The following PLCH1 variants were observed in gnomAD, a reference collection of about 807,000 sequenced individuals.
PLCH1 encodes 1-phosphatidylinositol 4,5-bisphosphate phosphodiesterase eta-1.
A neutral mutation model predicts 126.7 loss-of-function variants in PLCH1; 60 were observed. The observed-to-expected ratio is 0.47, with a 90% confidence interval of 0.38 to 0.59. The LOEUF (loss-of-function observed/expected upper bound fraction) is 0.59, where lower values mean the gene tolerates loss of function less well. PLCH1 is among the 20% of genes least tolerant of loss of function. The pLI is 0.00. For missense variants in PLCH1, 1,723 were observed against 2,040.0 expected (o/e 0.84, Z 2.99); for synonymous variants, 719 against 734.9 (o/e 0.98, Z 0.35).
rs183591076 is a variant in PLCH1, at chr3:155,649,943, A to C, written c.80-53565T>G. On this transcript the variant is annotated intron_variant, in intron 2 of 22. Transcript: ENST00000460012. ...CAGTGAGCCGAGATAGCGCCACTGC[A>C]CTCCAGCCTGGGCGACAGAGTGAGA... 5.6e-3 allele frequency among the ~76,000 whole-genome samples: 855 copies of C among 152,102 alleles called. 11 individuals are homozygous for C. The highest frequency in any genetic ancestry group is 0.019 in the African/African-American group (808 of 41,484).
intron 2 of PLCH1, among the ~76,000 whole-genome samples, chr3:155,652,278 T>C (rs372076945): frequency 6.6e-5 from 10 of 152,216 alleles, no homozygotes; most frequent in African/African-American, 2.4e-4. Flanking sequence ...TCTGATCATT[T>C]TGTAGCTTGC....
chr3:155,553,378 A>C (rs372883532), intron 9 of PLCH1, among the ~76,000 whole-genome samples: 113 of 152,108 alleles, frequency 7.4e-4, no homozygotes, highest in African/African-American at 2.7e-3. Flanking sequence ...CAGCCTCCCA[A>C]AGTGCTACAG....
At chr3:155,599,731 G>A (rs1008109213) in intron 2 of PLCH1, among the ~76,000 whole-genome samples, 5 of 151,948 alleles carry the variant, frequency 3.3e-5, no homozygotes, top group Admixed American at 1.3e-4. Flanking sequence ...AATTGTTTAC[G>A]CCAGAGTGGA....
At chr3:155,723,042 A>T (rs964890597) in intron 1 of PLCH1, among the ~76,000 whole-genome samples, 1 of 152,132 alleles carries the variant, frequency 6.6e-6, no homozygotes, top group African/African-American at 2.4e-5. Context: ...TTCCTAGTTT[A>T]ATCTAGGAGG....
Position 155,529,716 on chromosome 3 carries a change from G to C in PLCH1, c.1363-5712C>G, listed in dbSNP as rs1355668987. On this transcript the variant is annotated intron_variant, in intron 10 of 22. Coordinates refer to ENST00000460012, the MANE Select transcript of PLCH1 (RefSeq NM_014996.4). ...TGTGGATAGCTGCTGACTGATCAGG[G>C]TGGTGGTTGCTGAAGGTTAGGTGAC... is the stretch of plus-strand genomic sequence containing the variant. 2.6e-5 allele frequency among the ~76,000 whole-genome samples: 4 copies of C among 152,098 alleles called. No individual in the cohort carries two copies. The East Asian group carries it at 7.7e-4, about 29-fold the overall frequency.
At chr3:155,651,421 C>T (rs1167503570) in intron 2 of PLCH1, among the ~76,000 whole-genome samples, 1 of 151,932 alleles carries the variant, frequency 6.6e-6, no homozygotes, top group East Asian at 1.9e-4. Context: ...AACTGTCAAA[C>T]TGTCAATTGT....
At chr3:155,464,564 T>C (rs1712859423) in intron 21 of PLCH1, among the ~76,000 whole-genome samples, 1 of 152,074 alleles carries the variant, frequency 6.6e-6, no homozygotes, top group African/African-American at 2.4e-5. Context: ...ACTTCCTGGA[T>C]TCTGCAGTTC....
At chr3:155,682,090 A>C (rs1744584336) in intron 2 of PLCH1, among the ~76,000 whole-genome samples, 1 of 152,206 alleles carries the variant, frequency 6.6e-6, no homozygotes, top group Non-Finnish European at 1.5e-5. Context: ...GAACTAACTG[A>C]AGGGTTAGAC....
chr3:155,465,809 C>T (rs545747309), intron 21 of PLCH1, among the ~76,000 whole-genome samples: 1 of 152,042 alleles, frequency 6.6e-6, no homozygotes, highest in Non-Finnish European at 1.5e-5. Context: ...CTTAAGAGAC[C>T]CTTCGGGCTT....
chr3:155,676,131 T>TG (rs914147597), intron 2 of PLCH1: 11 of 1,384,350 alleles, frequency 7.9e-6, no homozygotes, highest in African/African-American at 3.0e-5. Context: ...CCAAAAAGGG[T>TG]GGGGGGAAAA....
intron 12 of PLCH1, among the ~76,000 whole-genome samples, chr3:155,510,718 G>C (rs1415741197): frequency 2.0e-5 from 2 of 100,840 alleles, no homozygotes; most frequent in Admixed American, 1.0e-4. Context: ...TTTCTGCCGA[G>C]AGATCCGCTG....
At chr3:155,519,640 C>A (rs1253113915) in intron 11 of PLCH1, among the ~76,000 whole-genome samples, 1 of 151,738 alleles carries the variant, frequency 6.6e-6, no homozygotes, top group Non-Finnish European at 1.5e-5. Context: ...CAGGCCATGC[C>A]CCAGACCCAT....
chr3:155,528,475 A>G (rs2108318355), intron 10 of PLCH1, among the ~76,000 whole-genome samples: 1 of 152,320 alleles, frequency 6.6e-6, no homozygotes, highest in Non-Finnish European at 1.5e-5. Context: ...AGCTATCAAG[A>G]TATCAACTTT....
At chr3:155,727,988 C>T (rs1748473150) in intron 1 of PLCH1, among the ~76,000 whole-genome samples, 1 of 152,100 alleles carries the variant, frequency 6.6e-6, no homozygotes, top group Non-Finnish European at 1.5e-5. Flanking sequence ...AGATGTCTCA[C>T]TCTCTTGTCC....
chr3:155,589,009 T>A (rs1731749705), intron 4 of PLCH1, among the ~76,000 whole-genome samples: 1 of 152,216 alleles, frequency 6.6e-6, no homozygotes, highest in Non-Finnish European at 1.5e-5. Flanking sequence ...GATATGAGTG[T>A]CCAATAAAGC....
chr3:155,735,841 T>C (rs1034786711), intron 1 of PLCH1, among the ~76,000 whole-genome samples: 1 of 152,164 alleles, frequency 6.6e-6, no homozygotes, highest in Non-Finnish European at 1.5e-5. Flanking sequence ...TATATAATGA[T>C]ACACAAAATA....
intron 21 of PLCH1, chr3:155,486,845 T>A (rs548234298): frequency 6.6e-6 from 1 of 152,340 alleles, no homozygotes; most frequent in South Asian, 2.1e-4. Context: ...TTTAAACAAA[T>A]TCAGAATGTA....
intron 2 of PLCH1, among the ~76,000 whole-genome samples, chr3:155,691,153 T>C (rs1488535537): frequency 5.9e-5 from 9 of 152,210 alleles, no homozygotes; most frequent in African/African-American, 2.2e-4. Context: ...AAACCCTGGA[T>C]TTGAGAGTCT....
At chr3:155,451,914 G>A (rs1483437260) in intron 21 of PLCH1, among the ~76,000 whole-genome samples, 1 of 152,114 alleles carries the variant, frequency 6.6e-6, no homozygotes, top group Non-Finnish European at 1.5e-5. Flanking sequence ...AAACTGGAAT[G>A]TATGTACCAT....
Sources: allele counts gnomAD v4.1 joint callset (sites outside exome capture counted in the v4.1 genomes callset), GRCh38; gene constraint gnomAD v4.1.1; transcripts MANE v1.5; gene names NCBI Gene and HGNC (gene_info 2026-07-23, HGNC 2026-07-21).